MVB12B: variants seen among roughly 807,000 people sequenced by gnomAD.
MVB12B encodes the protein ESCRT-I complex subunit MVB12B.
MVB12B carries 16 observed loss-of-function variants against 41.6 expected under a neutral mutation model. The ratio of observed to expected loss-of-function variants is 0.38; its 90% CI spans 0.26 to 0.58. The LOEUF is 0.58. Among genes scored for constraint, MVB12B ranks in the 20% least tolerant of loss-of-function variants. MVB12B has a pLI of 0.62. For synonymous variants in MVB12B, 133 were observed against 139.7 expected (o/e 0.95, Z 0.34); for missense variants, 274 against 380.2 (o/e 0.72, Z 2.32).
At chr9:126,490,657 G>A (rs1336703823) in intron 9 of MVB12B, among the ~76,000 whole-genome samples, 1 of 152,166 alleles carries the variant, frequency 6.6e-6, no homozygotes, top group Non-Finnish European at 1.5e-5. Context: ...ATTAGTAAAG[G>A]GATGCTCTAA....
At position 126,340,577 on chromosome 9, in the gene MVB12B, A is replaced by G; in HGVS notation, c.151A>G (p.Thr51Ala). ...ALPETSMDPI[T>A]GVGVVASRNR... is the part of the protein sequence containing the mutation. The stretch of plus-strand genomic sequence containing the variant: ...GCCAGAAACGTCAATGGATCCCATC[A>G]CGGGAGTCGGGGTGGTGGCTTCTCG... Residue 51 changes from threonine (T) to alanine (A), a missense_variant, in exon 2 of 10, where the codon ACG becomes GCG. Physicochemically the swap from Thr to Ala is moderately conservative, Grantham distance 58 (BLOSUM62 0). Coordinates refer to ENST00000361171, the MANE Select transcript of MVB12B (RefSeq NM_033446.3). The surrounding 1 kb of genome is among the most constrained non-coding windows in gnomAD (Gnocchi z 4.0). The G allele has an allele frequency of 6.2e-7, 1 of 1,614,234 alleles. No homozygotes were observed. Among genetic ancestry groups the G allele is most frequent in the Non-Finnish European group, 8.5e-7 (1 of 1,180,024 alleles).
At chr9:126,365,833 G>T (rs907904586) in intron 2 of MVB12B, among the ~76,000 whole-genome samples, 1 of 152,176 alleles carries the variant, frequency 6.6e-6, no homozygotes, top group Non-Finnish European at 1.5e-5. Context: ...CCCACCACGG[G>T]CCTGTACTGG....
At chr9:126,327,557 A>C (rs1457916155) in intron 1 of MVB12B, among the ~76,000 whole-genome samples, 1 of 152,084 alleles carries the variant, frequency 6.6e-6, no homozygotes, top group East Asian at 1.9e-4. Flanking sequence ...CAGAGCACCC[A>C]TCCAGGAACA....
At chr9:126,481,338 T>C in intron 7 of MVB12B, 31 bp from the exon 8 acceptor site, 1 of 1,596,342 alleles carries the variant, frequency 6.3e-7, no homozygotes, top group Non-Finnish European at 8.6e-7. Context: ...TCAATACCTT[T>C]AATGCCATCT....
chr9:126,359,911 G>C (rs1829984060), intron 2 of MVB12B, among the ~76,000 whole-genome samples: 1 of 151,914 alleles, frequency 6.6e-6, no homozygotes, highest in African/African-American at 2.4e-5. Context: ...TGGTTTTATT[G>C]ACTTTTTCTA....
In MVB12B at chr9:126,333,904, C is replaced by A. The variant is rs1396824042; in HGVS notation, c.82-6604C>A. Reference sequence around the variant, plus strand: ...ATCCATCCATTCGTTCATCAAATACCTGATGAATACCTGCTCTCTTGTACT... The same window carrying A: ...ATCCATCCATTCGTTCATCAAATACATGATGAATACCTGCTCTCTTGTACT... On this transcript the variant is annotated intron_variant, in intron 1 of 9. Coordinates refer to ENST00000361171, the MANE Select transcript of MVB12B (RefSeq NM_033446.3). This position sits in a 1 kb window ranked among gnomAD's most constrained non-coding sequence, Gnocchi z 4.7. Among the ~76,000 whole-genome samples, 1 of 151,960 alleles carries A rather than the reference C, an allele frequency of 6.6e-6. No homozygotes were observed. Among genetic ancestry groups the A allele is most frequent in the East Asian group, 1.9e-4 (1 of 5,184 alleles).
chr9:126,411,699 T>C (rs1156775104), intron 6 of MVB12B, among the ~76,000 whole-genome samples: 1 of 152,204 alleles, frequency 6.6e-6, no homozygotes, highest in African/African-American at 2.4e-5. Flanking sequence ...TTGCGCATGG[T>C]GGTTTCTCCC....
intron 1 of MVB12B, among the ~76,000 whole-genome samples, chr9:126,330,679 A>C (rs1469791134): frequency 6.6e-6 from 1 of 152,228 alleles, no homozygotes; most frequent in Non-Finnish European, 1.5e-5. Context: ...CATTATGCAC[A>C]TTCACACTGT....
chr9:126,421,053 T>C (rs894032669), intron 6 of MVB12B, among the ~76,000 whole-genome samples: 17 of 152,214 alleles, frequency 1.1e-4, no homozygotes, highest in African/African-American at 4.1e-4. Context: ...TTTGTTGTTT[T>C]TTTCCCCCAG....
At chr9:126,458,031 C>T (rs1314213549) in intron 7 of MVB12B, among the ~76,000 whole-genome samples, 1 of 152,224 alleles carries the variant, frequency 6.6e-6, no homozygotes. Flanking sequence ...CCTTGAGCTC[C>T]TGGACCCCAC....
chr9:126,472,995 A>C (rs1007206501), intron 7 of MVB12B, among the ~76,000 whole-genome samples: 3 of 152,122 alleles, frequency 2.0e-5, no homozygotes, highest in Admixed American at 6.5e-5. Flanking sequence ...AAGAAGAAGA[A>C]AGCACTGGCC....
intron 2 of MVB12B, among the ~76,000 whole-genome samples, chr9:126,344,093 C>G (rs1172167321): frequency 6.7e-6 from 1 of 149,216 alleles, no homozygotes; most frequent in Non-Finnish European, 1.5e-5. Flanking sequence ...TGAGACGAAT[C>G]AAACACTCCA....
intron 1 of MVB12B, among the ~76,000 whole-genome samples, chr9:126,330,061 C>T (rs73667901): frequency 0.083 from 12,669 of 152,130 alleles, 592 homozygotes; most frequent in Non-Finnish European, 0.11. Context: ...GGAGGCAAAG[C>T]CACTGCAGAG....
chr9:126,414,747 G>T (rs893503389), intron 6 of MVB12B, among the ~76,000 whole-genome samples: 3 of 151,858 alleles, frequency 2.0e-5, no homozygotes, highest in African/African-American at 7.3e-5. Flanking sequence ...TCAACTTCGG[G>T]CCCACTAAAA....
intron 7 of MVB12B, among the ~76,000 whole-genome samples, chr9:126,454,002 G>A (rs1178231481): frequency 6.6e-6 from 1 of 152,306 alleles, no homozygotes; most frequent in East Asian, 1.9e-4. Context: ...AACAGACGCG[G>A]TAAAGCAGAG....
intron 9 of MVB12B, among the ~76,000 whole-genome samples, chr9:126,490,595 A>G (rs10819170): frequency 0.24 from 36,886 of 152,164 alleles, 4,777 homozygotes; most frequent in Non-Finnish European, 0.29. Context: ...CTGGCGGAGC[A>G]ACAGCCTCCA....
intron 1 of MVB12B, chr9:126,335,545 C>A: frequency 6.0e-6 from 3 of 499,962 alleles, no homozygotes; most frequent in Non-Finnish European, 1.1e-5. Context: ...TGCGATTTGC[C>A]AGCAGAAAGG....
chr9:126,366,501 G>A (rs1168089461), intron 2 of MVB12B, among the ~76,000 whole-genome samples: 1 of 152,158 alleles, frequency 6.6e-6, no homozygotes, highest in Non-Finnish European at 1.5e-5. Flanking sequence ...TAGTTTGTAT[G>A]TGTGTGTGTT....
intron 9 of MVB12B, among the ~76,000 whole-genome samples, chr9:126,492,805 C>T (rs1325532873): frequency 6.6e-6 from 1 of 152,218 alleles, no homozygotes; most frequent in Non-Finnish European, 1.5e-5. Context: ...GATTGTGCCA[C>T]TGCACTCCAG....
Sources: gnomAD v4.1 joint callset for allele counts (sites outside exome capture counted in the v4.1 genomes callset) on GRCh38, gnomAD v4.1.1 for gene constraint, Gnocchi (gnomAD v3.1) non-coding constraint, MANE v1.5 for transcripts, NCBI Gene and HGNC (gene_info 2026-07-23, HGNC 2026-07-21) for gene names.